Variants in ZSCAN25 observed in about 807,000 individuals in gnomAD.
The protein encoded by ZSCAN25 is zinc finger and SCAN domain-containing protein 25.
Under a neutral mutation model 38.7 loss-of-function variants are expected in ZSCAN25, and 27 were observed. That is an observed-to-expected ratio of 0.70 (90% CI 0.51 to 0.96). The LOEUF is 0.96. Ranked by LOEUF, ZSCAN25 falls within the 40% of genes least tolerant of loss-of-function variation. The probability of loss-of-function intolerance (pLI) is 0.00; values close to 1 mark genes in which losing one functional copy is unlikely to be tolerated. For synonymous variants in ZSCAN25, 273 were observed against 277.7 expected (o/e 0.98, Z 0.17); for missense variants, 637 against 705.9 (o/e 0.90, Z 1.11).
At chr7:99,722,296 C>A in the ZSCAN25 span, 1 of 1,613,608 alleles carries the variant, frequency 6.2e-7, no homozygotes, top group Non-Finnish European at 8.5e-7. Context: ...GAATACTCAC[C>A]CCCAGACTTT....
chr7:99,678,432 C>A, the ZSCAN25 span, among the ~76,000 whole-genome samples: 1 of 152,188 alleles, frequency 6.6e-6, no homozygotes, highest in Non-Finnish European at 1.5e-5. Flanking sequence ...GAGTTTAAGA[C>A]AATCTGCTAA....
At chr7:99,729,294 C>T in the ZSCAN25 span, among the ~76,000 whole-genome samples, 4 of 152,102 alleles carry the variant, frequency 2.6e-5, no homozygotes, top group African/African-American at 7.2e-5. Context: ...TGGTACCATC[C>T]TCTGCCCCAA....
the ZSCAN25 span, among the ~76,000 whole-genome samples, chr7:99,661,823 G>T: frequency 3.9e-5 from 6 of 152,202 alleles, no homozygotes; most frequent in African/African-American, 1.4e-4. Context: ...TAATTTTAAA[G>T]TTGGGAGCTC....
the ZSCAN25 span, among the ~76,000 whole-genome samples, chr7:99,725,084 T>G: frequency 6.6e-6 from 1 of 152,034 alleles, no homozygotes; most frequent in Non-Finnish European, 1.5e-5. Flanking sequence ...TTACATGGTC[T>G]CCTGCCTAGT....
downstream of ZSCAN25, among the ~76,000 whole-genome samples, chr7:99,635,964 G>C (rs915729769): frequency 6.7e-6 from 1 of 149,146 alleles, no homozygotes; most frequent in African/African-American, 2.5e-5. Flanking sequence ...GGAGAATGGC[G>C]TGAACCCGGG....
chr7:99,687,457 A>G, the ZSCAN25 span, among the ~76,000 whole-genome samples: 1 of 152,210 alleles, frequency 6.6e-6, no homozygotes, highest in African/African-American at 2.4e-5. Flanking sequence ...TAAAGCGAGA[A>G]GGGAAGTTTA....
chr7:99,706,966 A>G, the ZSCAN25 span, among the ~76,000 whole-genome samples: 1 of 152,252 alleles, frequency 6.6e-6, no homozygotes. Flanking sequence ...ACAAAACTCA[A>G]TGATTTAATG....
chr7:99,686,788 G>T, the ZSCAN25 span, among the ~76,000 whole-genome samples: 1 of 152,104 alleles, frequency 6.6e-6, no homozygotes, highest in African/African-American at 2.4e-5. Context: ...ACCTCACACG[G>T]CCAGGTACTC....
At position 99,631,845 on chromosome 7, in the gene ZSCAN25, G is replaced by GGCT. The variant is rs1415397289; in HGVS notation, c.*1835_*1837dup. On this transcript the variant is annotated 3_prime_UTR_variant, in exon 8 of 8. Transcript: ENST00000394152. Reference sequence around the variant, plus strand: ...AAATGTATCTGAGATGTCCACACGGGGCTGCTGCTGCTCCTCTGTAATACT... The same window carrying GGCT: ...AAATGTATCTGAGATGTCCACACGGGGCTGCTGCTGCTGCTCCTCTGTAATACT... 2.5e-5 allele frequency: 25 copies of GGCT among 985,276 alleles called. No individual in the cohort carries two copies. The highest frequency in any genetic ancestry group is 3.0e-5 in the Non-Finnish European group (25 of 829,970). The allele number at this position is 985,276 out of a possible 1,614,324, so 61.0% of individuals were successfully genotyped here.
chr7:99,639,534 C>T, the ZSCAN25 span, among the ~76,000 whole-genome samples: 1 of 152,222 alleles, frequency 6.6e-6, no homozygotes, highest in Non-Finnish European at 1.5e-5. Context: ...CTCTGCATCA[C>T]AAAGAGCCTC....
downstream of ZSCAN25, among the ~76,000 whole-genome samples, chr7:99,635,916 G>A (rs1366812849): frequency 2.6e-5 from 4 of 151,766 alleles, no homozygotes; most frequent in Admixed American, 6.6e-5. Context: ...GCGTGGTGGC[G>A]GGCCCCTGTA....
Position 99,630,907 on chromosome 7 carries a change from C to G in ZSCAN25, c.*887C>G. The G allele has an allele frequency of 1.0e-6, 1 of 979,680 alleles. No individual in the cohort carries two copies. Among genetic ancestry groups the G allele is most frequent in the Non-Finnish European group, 1.2e-6 (1 of 824,732 alleles). 60.7% of individuals were successfully genotyped at this position (979,680 alleles called of 1,614,324 possible). A position where few individuals can be genotyped will look rare whatever the true frequency, so the allele number is the denominator to read the frequency against. Reference sequence around the variant, plus strand: ...AATTAAAATGAGTCTGAAAGATGAACTCTAGTATTAATGCCCTATATTTGA... The same window carrying G: ...AATTAAAATGAGTCTGAAAGATGAAGTCTAGTATTAATGCCCTATATTTGA... On this transcript the variant is annotated 3_prime_UTR_variant, in exon 8 of 8. Coordinates refer to ENST00000394152, the MANE Select transcript of ZSCAN25 (RefSeq NM_145115.3).
chr7:99,629,876 A>G lies in ZSCAN25; in HGVS notation c.1491A>G (p.Lys497=). 1 of 1,614,218 alleles carries G rather than the reference A, an allele frequency of 6.2e-7. No homozygotes were observed. The highest frequency in any genetic ancestry group is 8.5e-7 in the Non-Finnish European group (1 of 1,180,040). Residue 497 remains lysine, a synonymous_variant, in exon 8 of 8, where the codon AAA becomes AAG. Transcript: ENST00000394152. The surrounding 1 kb of genome is among the most constrained non-coding windows in gnomAD (Gnocchi z 5.6). ...GCQVCGKRFS[K]GERLVRHQRI... ...AGGTGTGCGGGAAGCGGTTCAGCAA[A>G]GGGGAGCGGCTGGTCCGACACCAGA...
At chr7:99,695,967 A>G in the ZSCAN25 span, 1 of 711,826 alleles carries the variant, frequency 1.4e-6, no homozygotes, top group South Asian at 1.8e-5. Flanking sequence ...AAATGATAAC[A>G]GTAACTCTGA....
Position 99,619,646 on chromosome 7 carries a change from C to T in ZSCAN25, c.40C>T (p.Gln14Ter), listed in dbSNP as rs751873052. 3 of 1,614,164 alleles carry T rather than the reference C, an allele frequency of 1.9e-6. No individual in the cohort carries two copies. The highest frequency in any genetic ancestry group is 3.3e-5 in the Admixed American group (2 of 60,022). ...TCCAGAGATGGCGGAAGCTCCTCAGCAGCAGTTGGGTATTCCTGTGGTGAA... is the reference window on the plus strand; with the variant it reads ...TCCAGAGATGGCGGAAGCTCCTCAGTAGCAGTTGGGTATTCCTGTGGTGAA... ...EHPEMAEAPQQQLGIPVVKLE... is the reference protein window; with the variant it reads ...EHPEMAEAPQ Residue 14 changes from glutamine to a stop codon, truncating the protein, a stop_gained, in exon 4 of 8, where the codon CAG becomes TAG. Transcript: ENST00000394152. LOFTEE classifies it high-confidence loss of function.
chr7:99,630,815 T>A lies in ZSCAN25; in HGVS notation c.*795T>A. On this transcript the variant is annotated 3_prime_UTR_variant, in exon 8 of 8. Coordinates refer to ENST00000394152, the MANE Select transcript of ZSCAN25 (RefSeq NM_145115.3). ...ACACCAACTATTAGGAAGTTAGTATTTTGCTATTGATCACTGAATAAACAT... is the reference window on the plus strand; with the variant it reads ...ACACCAACTATTAGGAAGTTAGTATATTGCTATTGATCACTGAATAAACAT... 3 of 985,438 alleles carry A rather than the reference T, an allele frequency of 3.0e-6. No individual in the cohort carries two copies. The highest frequency in any genetic ancestry group is 3.6e-6 in the Non-Finnish European group (3 of 829,916). 61.0% of individuals were successfully genotyped at this position (985,438 alleles called of 1,614,324 possible). A position where few individuals can be genotyped will look rare whatever the true frequency, so the allele number is the denominator to read the frequency against.
chr7:99,716,454 T>C, the ZSCAN25 span, among the ~76,000 whole-genome samples: 1 of 152,194 alleles, frequency 6.6e-6, no homozygotes, highest in Non-Finnish European at 1.5e-5. Context: ...CCAGCTGTGG[T>C]GAGCTGAGGT....
At chr7:99,731,809 G>T in the ZSCAN25 span, among the ~76,000 whole-genome samples, 2 of 152,038 alleles carry the variant, frequency 1.3e-5, no homozygotes, top group Admixed American at 6.6e-5. Flanking sequence ...CATTGGCCTC[G>T]TAGAAGTGCG....
chr7:99,687,135 T>C, the ZSCAN25 span, among the ~76,000 whole-genome samples: 1 of 152,214 alleles, frequency 6.6e-6, no homozygotes, highest in Non-Finnish European at 1.5e-5. Context: ...TCCAAAGGAA[T>C]GCAGCTCCTC....
Sources: gnomAD v4.1 joint callset for allele counts (sites outside exome capture counted in the v4.1 genomes callset) on GRCh38, gnomAD v4.1.1 for gene constraint, Gnocchi (gnomAD v3.1) non-coding constraint, MANE v1.5 for transcripts, NCBI Gene and HGNC (gene_info 2026-07-23, HGNC 2026-07-21) for gene names.